Variants in NOL4 observed in about 807,000 individuals in gnomAD.
NOL4 encodes cancer/testis antigen 125.
Under a neutral mutation model 75.9 loss-of-function variants are expected in NOL4, and 17 were observed. The ratio of observed to expected loss-of-function variants is 0.22; its 90% confidence interval spans 0.15 to 0.34. The LOEUF is 0.34. Among genes scored for constraint, NOL4 ranks in the 10% least tolerant of loss-of-function variants. The probability of loss-of-function intolerance (pLI) is 1.00; values close to 1 mark genes in which losing one functional copy is unlikely to be tolerated. For missense variants in NOL4, 614 were observed against 793.5 expected (o/e 0.77, Z 2.72); for synonymous variants, 292 against 289.9 (o/e 1.01, Z -0.07).
At chr18:34,208,663 C>T (rs1002015588) in intron 1 of NOL4, among the ~76,000 whole-genome samples, 12 of 151,904 alleles carry the variant, frequency 7.9e-5, no homozygotes, top group African/African-American at 2.9e-4. Context: ...TCTAGACCAG[C>T]CTGGCTAAAA....
chr18:34,115,208 G>A (rs1175015013), intron 2 of NOL4, among the ~76,000 whole-genome samples: 3 of 152,134 alleles, frequency 2.0e-5, no homozygotes, highest in East Asian at 1.9e-4. Flanking sequence ...GCCCTAGTGA[G>A]CACATTCCTT....
At chr18:34,067,935 G>A (rs1016003475) in intron 5 of NOL4, among the ~76,000 whole-genome samples, 9 of 152,044 alleles carry the variant, frequency 5.9e-5, no homozygotes, top group Admixed American at 5.9e-4. Flanking sequence ...AGTTAAAGAT[G>A]TGTCTAGACA....
At position 34,159,994 on chromosome 18, in the gene NOL4, A is replaced by G. The variant is rs554248832; in HGVS notation, c.265-29974T>C. 3.9e-5 allele frequency among the ~76,000 whole-genome samples: 6 copies of G among 152,240 alleles called. No homozygotes were observed. In the East Asian group the frequency reaches 1.2e-3, roughly 30 times the overall value. The stretch of plus-strand genomic sequence containing the variant: ...CTAAGTGCTCAGTAGGGGCACCCGT[A>G]ATGGACTTCAAAATTGCATACAGGA... On this transcript the variant is annotated intron_variant, in intron 1 of 10. Transcript: ENST00000261592.
intron 1 of NOL4, among the ~76,000 whole-genome samples, chr18:34,220,262 C>G (rs1184446749): frequency 6.6e-6 from 1 of 152,118 alleles, no homozygotes; most frequent in Non-Finnish European, 1.5e-5. Context: ...GATAATTAGC[C>G]TCAGCCTGTC....
intron 9 of NOL4, among the ~76,000 whole-genome samples, chr18:33,934,116 A>G (rs1349558915): frequency 6.6e-6 from 1 of 152,020 alleles, no homozygotes; most frequent in African/African-American, 2.4e-5. Flanking sequence ...GACTAAGTGC[A>G]TTGTCAATGA....
chr18:33,861,269 TC>T (rs1360546103), intron 10 of NOL4, among the ~76,000 whole-genome samples: 1 of 152,166 alleles, frequency 6.6e-6, no homozygotes, highest in Non-Finnish European at 1.5e-5. Flanking sequence ...GGTCCTGGAC[TC>T]TTTTTGGTTG....
intron 2 of NOL4, among the ~76,000 whole-genome samples, chr18:34,117,968 T>C (rs545642356): frequency 6.6e-6 from 1 of 152,282 alleles, no homozygotes; most frequent in South Asian, 2.1e-4. Flanking sequence ...AATTATACAA[T>C]TTTAACCTAA....
chr18:34,212,773 A>G (rs2036597716), intron 1 of NOL4, among the ~76,000 whole-genome samples: 1 of 152,212 alleles, frequency 6.6e-6, no homozygotes, highest in South Asian at 2.1e-4. Flanking sequence ...GAGTGGTCTC[A>G]GCATCCAGAG....
chr18:33,964,039 G>A lies in NOL4; in HGVS notation c.1057-5621C>T, dbSNP rs565714726. On this transcript the variant is annotated intron_variant, in intron 6 of 10. Coordinates refer to ENST00000261592, the MANE Select transcript of NOL4 (RefSeq NM_003787.5). ...CAGTGCCAGGTGTCTATGCTTTCAC[G>A]TGCTTTGCATATCTATGTCACAGCA... is the stretch of plus-strand genomic sequence containing the variant. Among the ~76,000 whole-genome samples the A allele has an allele frequency of 4.6e-5, 7 of 152,234 alleles. No homozygotes were observed. In the South Asian group the frequency reaches 1.5e-3, roughly 32 times the overall value.
At chr18:34,069,227 T>C (rs1377324666) in intron 5 of NOL4, among the ~76,000 whole-genome samples, 1 of 151,984 alleles carries the variant, frequency 6.6e-6, no homozygotes, top group Non-Finnish European at 1.5e-5. Flanking sequence ...AATTATGGAG[T>C]TGTAGAAAAA....
At chr18:33,999,148 T>G (rs991815346) in intron 6 of NOL4, among the ~76,000 whole-genome samples, 8 of 151,528 alleles carry the variant, frequency 5.3e-5, no homozygotes, top group African/African-American at 1.9e-4. Flanking sequence ...GCTGAGTTTT[T>G]TTTTTTTTTT....
intron 1 of NOL4, among the ~76,000 whole-genome samples, chr18:34,130,803 G>C (rs773177061): frequency 1.5e-4 from 23 of 152,142 alleles, no homozygotes; most frequent in Admixed American, 7.2e-4. Flanking sequence ...ATAAAAATAT[G>C]CAAAGTACTA....
At chr18:34,162,605 C>A (rs1007216687) in intron 1 of NOL4, among the ~76,000 whole-genome samples, 4 of 152,062 alleles carry the variant, frequency 2.6e-5, no homozygotes, top group African/African-American at 9.7e-5. Context: ...AATAGCTTAC[C>A]AACCAAAAAG....
intron 9 of NOL4, among the ~76,000 whole-genome samples, chr18:33,942,750 AT>A (rs968446371): frequency 6.6e-6 from 1 of 151,792 alleles, no homozygotes. Flanking sequence ...CATGAGGTAA[AT>A]TTACAAAGCT....
intron 9 of NOL4, among the ~76,000 whole-genome samples, chr18:33,909,054 GAAC>G (rs1279466872): frequency 2.0e-5 from 3 of 151,996 alleles, no homozygotes; most frequent in Non-Finnish European, 4.4e-5. Context: ...TTTCCATTAA[GAAC>G]AACTTGTTAT....
intron 1 of NOL4, among the ~76,000 whole-genome samples, chr18:34,199,019 T>C (rs556624816): frequency 6.6e-6 from 1 of 151,998 alleles, no homozygotes; most frequent in South Asian, 2.1e-4. Context: ...CTCTTAACTT[T>C]GAATCTTCAT....
At chr18:34,217,601 C>T (rs1266229729) in intron 1 of NOL4, among the ~76,000 whole-genome samples, 3 of 151,944 alleles carry the variant, frequency 2.0e-5, no homozygotes, top group African/African-American at 4.8e-5. Context: ...ATTTTAGCTC[C>T]GTGTTGCAAT....
At chr18:34,001,149 A>T (rs1256258606) in intron 6 of NOL4, among the ~76,000 whole-genome samples, 1 of 152,142 alleles carries the variant, frequency 6.6e-6, no homozygotes, top group East Asian at 1.9e-4. Context: ...ATTCCTAGTA[A>T]CTATATGATA....
At chr18:33,972,914 G>A (rs973981054) in intron 6 of NOL4, among the ~76,000 whole-genome samples, 5 of 152,182 alleles carry the variant, frequency 3.3e-5, no homozygotes, top group African/African-American at 7.2e-5. Flanking sequence ...GTTGCTGACC[G>A]ATCAGCATGG....
Sources: gnomAD v4.1 joint callset for allele counts (sites outside exome capture counted in the v4.1 genomes callset) on GRCh38, gnomAD v4.1.1 for gene constraint, MANE v1.5 for transcripts, NCBI Gene and HGNC (gene_info 2026-07-23, HGNC 2026-07-21) for gene names.